THRB: variants seen among roughly 807,000 people sequenced by gnomAD.
The protein encoded by THRB is thyroid hormone receptor beta.
In THRB, 12 loss-of-function variants were observed where a neutral mutation model predicts 47.8. That is an observed-to-expected ratio of 0.25 (90% CI 0.16 to 0.41). The LOEUF is 0.41. Ranked by LOEUF, THRB falls within the 10% of genes least tolerant of loss-of-function variation. THRB has a pLI of 1.00. For missense variants in THRB, 348 were observed against 589.2 expected (o/e 0.59, Z 4.24); for synonymous variants, 218 against 212.2 (o/e 1.03, Z -0.24).
chr3:24,290,129 G>A (rs887579347), intron 3 of THRB, among the ~76,000 whole-genome samples: 4 of 152,092 alleles, frequency 2.6e-5, no homozygotes, highest in Non-Finnish European at 5.9e-5. Flanking sequence ...TTTCCATAGT[G>A]TCTGAGCTGC....
At chr3:24,322,902 G>A (rs904470632) in intron 2 of THRB, among the ~76,000 whole-genome samples, 3 of 152,092 alleles carry the variant, frequency 2.0e-5, no homozygotes, top group African/African-American at 7.2e-5. Flanking sequence ...GCCACCTTTT[G>A]TAACACAAAC....
chr3:24,341,439 G>T (rs1306416571), intron 1 of THRB, among the ~76,000 whole-genome samples: 1 of 151,848 alleles, frequency 6.6e-6, no homozygotes, highest in Non-Finnish European at 1.5e-5. Flanking sequence ...CATGCATGTT[G>T]CCCAGGCTGG....
chr3:24,203,559 G>A (rs1367693552), intron 4 of THRB, among the ~76,000 whole-genome samples: 2 of 152,220 alleles, frequency 1.3e-5, no homozygotes, highest in African/African-American at 4.8e-5. Context: ...AACAGCTCCA[G>A]TCTACAGCTC....
At chr3:24,216,410 C>G (rs555915407) in intron 4 of THRB, among the ~76,000 whole-genome samples, 3 of 152,208 alleles carry the variant, frequency 2.0e-5, no homozygotes, top group African/African-American at 7.2e-5. Context: ...TCGAGACCAT[C>G]CTGGCTAACA....
chr3:24,128,549 A>G (rs2033291876), intron 9 of THRB, among the ~76,000 whole-genome samples: 1 of 152,202 alleles, frequency 6.6e-6, no homozygotes, highest in African/African-American at 2.4e-5. Context: ...TAAGAATTTT[A>G]TTTTCTGGAA....
intron 8 of THRB, among the ~76,000 whole-genome samples, chr3:24,139,567 GTA>G (rs2035170592): frequency 2.0e-5 from 3 of 151,894 alleles, no homozygotes; most frequent in African/African-American, 7.3e-5. Flanking sequence ...TTTATTTTTT[GTA>G]GAGATGGAGT....
intron 1 of THRB, among the ~76,000 whole-genome samples, chr3:24,377,778 C>T (rs901635628): frequency 6.6e-6 from 1 of 152,078 alleles, no homozygotes; most frequent in Non-Finnish European, 1.5e-5. Flanking sequence ...CTTACCTTCC[C>T]TCCTCCTCCC....
At chr3:24,439,792 C>T (rs1032421938) in intron 1 of THRB, among the ~76,000 whole-genome samples, 3 of 152,206 alleles carry the variant, frequency 2.0e-5, no homozygotes, top group African/African-American at 7.2e-5. Context: ...ACCTTCTCTT[C>T]TACAGGTGAA....
At chr3:24,344,759 C>T (rs543374488) in intron 1 of THRB, among the ~76,000 whole-genome samples, 3 of 151,984 alleles carry the variant, frequency 2.0e-5, no homozygotes, top group East Asian at 3.9e-4. Context: ...CACTTGGATA[C>T]CTTCTATTCC....
At chr3:24,453,642 G>C (rs965311771) in intron 1 of THRB, among the ~76,000 whole-genome samples, 2 of 152,108 alleles carry the variant, frequency 1.3e-5, no homozygotes, top group African/African-American at 4.8e-5. Flanking sequence ...ATTGGATCAC[G>C]CCATTTCCGC....
chr3:24,318,106 C>G (rs2058246967), intron 2 of THRB, among the ~76,000 whole-genome samples: 1 of 152,114 alleles, frequency 6.6e-6, no homozygotes, highest in Non-Finnish European at 1.5e-5. Context: ...TGCAATTTGG[C>G]TTCAAAAAGT....
intron 3 of THRB, among the ~76,000 whole-genome samples, chr3:24,241,454 C>T (rs569533203): frequency 6.6e-6 from 1 of 152,302 alleles, no homozygotes; most frequent in South Asian, 2.1e-4. Flanking sequence ...TGCGAGGCCA[C>T]ATGTGTATGT....
At chr3:24,137,763 A>C (rs1393384504) in intron 8 of THRB, among the ~76,000 whole-genome samples, 2 of 152,212 alleles carry the variant, frequency 1.3e-5, no homozygotes, top group Non-Finnish European at 2.9e-5. Context: ...GGGCATAGAC[A>C]TGACACGATG....
intron 1 of THRB, among the ~76,000 whole-genome samples, chr3:24,462,620 G>A (rs538996189): frequency 2.0e-5 from 3 of 152,302 alleles, no homozygotes; most frequent in African/African-American, 7.2e-5. Flanking sequence ...GTTTTAAACT[G>A]CTACCATTTG....
intron 4 of THRB, among the ~76,000 whole-genome samples, chr3:24,212,604 A>G (rs1452640276): frequency 6.6e-6 from 1 of 150,820 alleles, no homozygotes; most frequent in East Asian, 1.9e-4. Flanking sequence ...AAAAAGAAAG[A>G]AAAGAGAATT....
intron 8 of THRB, among the ~76,000 whole-genome samples, chr3:24,135,599 T>A (rs826382): frequency 0.33 from 50,677 of 151,712 alleles, 9,123 homozygotes; most frequent in East Asian, 0.62. Flanking sequence ...CTCCTTCTAC[T>A]TCCCTCTTTC....
chr3:24,189,934 A>C lies in THRB; in HGVS notation c.283+140T>G. The C allele has an allele frequency of 2.6e-6, 2 of 775,436 alleles. 1 individual carries two copies. The highest frequency in any genetic ancestry group is 3.3e-5 in the South Asian group (2 of 61,126). The allele number at this position is 775,436 out of a possible 1,614,324, so 48.0% of individuals were successfully genotyped here. On this transcript the variant is annotated intron_variant, in intron 5 of 10. Transcript: ENST00000646209. ...TTTAAAAGAATATTTGAAGAAAAGG[A>C]CGCCTAGTAAAAGAACAGTTGGAGA...
chr3:24,419,770 C>T (rs1001571892), intron 1 of THRB, among the ~76,000 whole-genome samples: 1 of 151,874 alleles, frequency 6.6e-6, no homozygotes, highest in African/African-American at 2.4e-5. Context: ...TCTGTCTCAA[C>T]CAGAAATAAG....
At chr3:24,135,937 T>C (rs945689926) in intron 8 of THRB, among the ~76,000 whole-genome samples, 1 of 150,736 alleles carries the variant, frequency 6.6e-6, no homozygotes, top group Non-Finnish European at 1.5e-5. Context: ...AGAAGTGTAA[T>C]AACATTGTTT....
Sources: allele counts gnomAD v4.1 joint callset (sites outside exome capture counted in the v4.1 genomes callset), GRCh38; gene constraint gnomAD v4.1.1; transcripts MANE v1.5; gene names NCBI Gene and HGNC (gene_info 2026-07-23, HGNC 2026-07-21).